Variants in DAB1 observed in about 807,000 individuals in gnomAD.
DAB1 encodes DAB adaptor protein 1.
DAB1 carries 15 observed loss-of-function variants against 64.6 expected under a neutral mutation model. The observed-to-expected ratio is 0.23, with a 90% CI of 0.16 to 0.36. The LOEUF is 0.36. Among genes scored for constraint, DAB1 ranks in the 10% least tolerant of loss-of-function variants. DAB1 has a pLI of 1.00. For missense variants in DAB1, 596 were observed against 706.7 expected (o/e 0.84, Z 1.78); for synonymous variants, 235 against 251.9 (o/e 0.93, Z 0.64).
chr1:57,403,334 G>A (rs10889044), intron 1 of DAB1, among the ~76,000 whole-genome samples: 37,984 of 152,074 alleles, frequency 0.25, 5,184 homozygotes, highest in Non-Finnish European at 0.32. Context: ...CACTGCTTGG[G>A]GAGAACCTAC....
chr1:57,909,114 G>C (rs1185391110), intron 5 of DAB1, among the ~76,000 whole-genome samples: 3 of 152,206 alleles, frequency 2.0e-5, no homozygotes, highest in Non-Finnish European at 4.4e-5. Flanking sequence ...TGATAGAATA[G>C]TACATAGCAA....
At chr1:58,478,238 G>A (rs1645439173) in intron 3 of DAB1, among the ~76,000 whole-genome samples, 2 of 152,106 alleles carry the variant, frequency 1.3e-5, no homozygotes, top group Non-Finnish European at 2.9e-5. Context: ...GCCACCACGT[G>A]AGACATGCCT....
At chr1:57,768,435 T>G (rs1026789177) in intron 6 of DAB1, among the ~76,000 whole-genome samples, 1 of 151,696 alleles carries the variant, frequency 6.6e-6, no homozygotes, top group African/African-American at 2.4e-5. Context: ...GTTATTATAC[T>G]AAGGATATAT....
chr1:57,624,915 C>T lies in DAB1; in HGVS notation n.625+24677G>A, dbSNP rs553403694. The stretch of plus-strand genomic sequence containing the variant: ...GTAAGGTTAAATACATAGTCTATAG[C>T]GTTTTCATTTTTTTAAAGATTTTTT... On this transcript the variant is annotated intron_variant and non_coding_transcript_variant, in intron 7 of 20. Transcript: ENST00000485760. Among the ~76,000 whole-genome samples the T allele has an allele frequency of 6.6e-5, 10 of 152,202 alleles. No homozygotes were observed. In the East Asian group the frequency reaches 1.9e-3, roughly 29 times the overall value.
intron 3 of DAB1, among the ~76,000 whole-genome samples, chr1:58,440,509 T>C (rs1644996130): frequency 6.6e-6 from 1 of 152,236 alleles, no homozygotes; most frequent in South Asian, 2.1e-4. Flanking sequence ...TGAATTTGTG[T>C]TTGGATCTTG....
intron 2 of DAB1, among the ~76,000 whole-genome samples, chr1:57,155,470 G>C (rs7544802): frequency 0.11 from 16,984 of 151,510 alleles, 2,499 homozygotes; most frequent in African/African-American, 0.34. Flanking sequence ...GATTCTTCCA[G>C]TTTTGTTTTT....
chr1:57,755,968 G>C (rs761705174), intron 6 of DAB1, among the ~76,000 whole-genome samples: 1 of 152,178 alleles, frequency 6.6e-6, no homozygotes, highest in Non-Finnish European at 1.5e-5. Context: ...GATCGAGGAG[G>C]CTGCATCATG....
chr1:58,433,591 G>C (rs1353537786), intron 3 of DAB1, among the ~76,000 whole-genome samples: 1 of 118,962 alleles, frequency 8.4e-6, no homozygotes, highest in African/African-American at 4.1e-5. Flanking sequence ...GAGAGAGAGA[G>C]AGAGAGTGTG....
chr1:57,245,876 T>C (rs531508154), intron 2 of DAB1, among the ~76,000 whole-genome samples: 2 of 152,340 alleles, frequency 1.3e-5, no homozygotes, highest in East Asian at 3.9e-4. Flanking sequence ...CCACAATGGT[T>C]GAACTAATTT....
intron 5 of DAB1, among the ~76,000 whole-genome samples, chr1:57,988,396 T>G (rs1646274959): frequency 6.6e-6 from 1 of 152,132 alleles, no homozygotes; most frequent in Admixed American, 6.6e-5. Context: ...ACCTATAAAA[T>G]GGGGAAAATG....
intron 7 of DAB1, among the ~76,000 whole-genome samples, chr1:57,434,983 T>A (rs1685636762): frequency 6.6e-6 from 1 of 152,034 alleles, no homozygotes; most frequent in Admixed American, 6.6e-5. Context: ...TTATAAACAT[T>A]TTATATGCAG....
intron 5 of DAB1, among the ~76,000 whole-genome samples, chr1:57,921,407 A>G (rs901513182): frequency 6.6e-6 from 1 of 152,150 alleles, no homozygotes; most frequent in African/African-American, 2.4e-5. Flanking sequence ...TGTTCCTTTT[A>G]TAGCCACAGA....
At chr1:57,104,044 CT>C (rs1557726127) in intron 4 of DAB1, among the ~76,000 whole-genome samples, 1 of 152,178 alleles carries the variant, frequency 6.6e-6, no homozygotes, top group Non-Finnish European at 1.5e-5. Flanking sequence ...TCCTGGGCCT[CT>C]CCCTCTACAT....
intron 10 of DAB1, 65 bp downstream of exon 10, chr1:57,025,916 C>A: frequency 7.6e-7 from 1 of 1,314,810 alleles, no homozygotes; most frequent in Non-Finnish European, 1.0e-6. Context: ...CATATTCTGG[C>A]CACTGAGGGG....
intron 3 of DAB1, among the ~76,000 whole-genome samples, chr1:58,441,468 C>T (rs946718187): frequency 6.6e-6 from 1 of 152,126 alleles, no homozygotes; most frequent in African/African-American, 2.4e-5. Flanking sequence ...AACCCAAGGT[C>T]GAGTAATCAA....
intron 6 of DAB1, among the ~76,000 whole-genome samples, chr1:57,673,426 T>C (rs1469771974): frequency 6.6e-6 from 1 of 152,104 alleles, no homozygotes. Context: ...AGTCCTCTCC[T>C]TGGCAAGTTG....
intron 2 of DAB1, among the ~76,000 whole-genome samples, chr1:58,524,283 A>C (rs913729979): frequency 6.6e-6 from 1 of 152,216 alleles, no homozygotes; most frequent in East Asian, 1.9e-4. Context: ...TTCTTAAAGC[A>C]TCTGGGAATG....
intron 5 of DAB1, among the ~76,000 whole-genome samples, chr1:57,908,912 A>T (rs1295446574): frequency 1.3e-5 from 2 of 152,180 alleles, no homozygotes; most frequent in East Asian, 3.9e-4. Context: ...ATTGGGATTC[A>T]GCCATGGTGC....
chr1:58,520,742 C>T (rs1646248940), intron 2 of DAB1, among the ~76,000 whole-genome samples: 1 of 151,952 alleles, frequency 6.6e-6, no homozygotes. Flanking sequence ...AAGAAAAGGA[C>T]CAATCCACTA....
Sources: allele counts gnomAD v4.1 joint callset (sites outside exome capture counted in the v4.1 genomes callset), GRCh38; gene constraint gnomAD v4.1.1; transcripts MANE v1.5; gene names NCBI Gene and HGNC (gene_info 2026-07-23, HGNC 2026-07-21).